SLC24A2: variants seen among roughly 807,000 people sequenced by gnomAD.
SLC24A2 encodes the protein sodium/potassium/calcium exchanger 2.
A neutral mutation model predicts 62.0 loss-of-function variants in SLC24A2; 36 were observed. The ratio of observed to expected loss-of-function variants is 0.58; its 90% CI spans 0.44 to 0.77. SLC24A2 has a LOEUF of 0.77. SLC24A2 is among the 30% of genes least tolerant of loss of function. The pLI, the probability that SLC24A2 is intolerant of heterozygous loss-of-function variation, is 0.00. For missense variants in SLC24A2, 846 were observed against 817.9 expected (o/e 1.03, Z -0.42); for synonymous variants, 358 against 294.0 (o/e 1.22, Z -2.23).
chr9:20,255,180 T>A, the SLC24A2 span, among the ~76,000 whole-genome samples: 4 of 152,240 alleles, frequency 2.6e-5, no homozygotes, highest in Non-Finnish European at 5.9e-5. Flanking sequence ...GCCATCATCC[T>A]TAATCACTTA....
chr9:20,060,807 C>G, the SLC24A2 span, among the ~76,000 whole-genome samples: 1 of 152,088 alleles, frequency 6.6e-6, no homozygotes, highest in Non-Finnish European at 1.5e-5. Context: ...CACACACACA[C>G]AATGTGGAGC....
intron 5 of SLC24A2, among the ~76,000 whole-genome samples, chr9:19,587,598 G>A (rs901423171): frequency 1.3e-5 from 2 of 151,950 alleles, no homozygotes; most frequent in African/African-American, 4.8e-5. Context: ...CTAATCAAAA[G>A]AGAAACTTAC....
the SLC24A2 span, among the ~76,000 whole-genome samples, chr9:20,306,989 T>C: frequency 5.9e-5 from 9 of 152,162 alleles, no homozygotes; most frequent in Non-Finnish European, 1.3e-4. Context: ...TTAATGTTAT[T>C]TTCTTAGACT....
chr9:19,896,263 A>G, the SLC24A2 span, among the ~76,000 whole-genome samples: 2 of 152,248 alleles, frequency 1.3e-5, no homozygotes, highest in African/African-American at 4.8e-5. Flanking sequence ...AATAGGATGT[A>G]CAGCAATCTG....
At chr9:20,260,845 C>T in the SLC24A2 span, among the ~76,000 whole-genome samples, 26 of 110,522 alleles carry the variant, frequency 2.4e-4, no homozygotes, top group South Asian at 1.5e-3. Flanking sequence ...ACGTATCATT[C>T]TTTCTTTTTT....
intron 5 of SLC24A2, among the ~76,000 whole-genome samples, chr9:19,591,968 G>C (rs969066688): frequency 6.6e-6 from 1 of 152,308 alleles, no homozygotes; most frequent in African/African-American, 2.4e-5. Context: ...TTATTTTAAA[G>C]TAACATTATT....
the SLC24A2 span, among the ~76,000 whole-genome samples, chr9:20,019,873 C>A: frequency 2.5e-5 from 3 of 120,166 alleles, no homozygotes; most frequent in Non-Finnish European, 3.3e-5. Context: ...ACAAATTTAC[C>A]AGAAAAAAAA....
At chr9:19,569,890 C>G (rs772120243) in intron 7 of SLC24A2, among the ~76,000 whole-genome samples, 2 of 152,138 alleles carry the variant, frequency 1.3e-5, no homozygotes, top group Non-Finnish European at 2.9e-5. Flanking sequence ...GGTGCTGTTC[C>G]TTTGGCTGGC....
At chr9:20,168,512 AG>A in the SLC24A2 span, among the ~76,000 whole-genome samples, 3 of 152,146 alleles carry the variant, frequency 2.0e-5, no homozygotes, top group African/African-American at 7.2e-5. Flanking sequence ...TCAACAAAAA[AG>A]GAAGTAATCC....
chr9:19,827,976 A>G, the SLC24A2 span, among the ~76,000 whole-genome samples: 3 of 152,092 alleles, frequency 2.0e-5, no homozygotes, highest in Non-Finnish European at 2.9e-5. Context: ...CTGCCATCCA[A>G]CTGTCCTCCT....
chr9:20,032,833 G>C, the SLC24A2 span, among the ~76,000 whole-genome samples: 14 of 152,254 alleles, frequency 9.2e-5, no homozygotes, highest in African/African-American at 3.4e-4. Flanking sequence ...AGCAGGGTAG[G>C]GACAGGAGCA....
intron 6 of SLC24A2, among the ~76,000 whole-genome samples, chr9:19,576,420 G>A (rs141747492): frequency 5.7e-4 from 87 of 152,262 alleles, no homozygotes; most frequent in African/African-American, 2.0e-3. Flanking sequence ...TTAAAAACGA[G>A]AGGCAGCATC....
rs1364663862 is a variant in SLC24A2, at chr9:19,632,576, G to C, written c.931-10277C>G. Among the ~76,000 whole-genome samples, 2 of 152,118 alleles carry C rather than the reference G, an allele frequency of 1.3e-5. No homozygotes were observed. The highest frequency in any genetic ancestry group is 2.9e-5 in the Non-Finnish European group (2 of 68,028). ...GAGCACTAACTACAGTTGAAATACT[G>C]GGCTAAATGCTCATTCATAATCTTA... On this transcript the variant is annotated intron_variant, in intron 2 of 10. Transcript: ENST00000341998. This position sits in a 1 kb window ranked among gnomAD's most constrained non-coding sequence, Gnocchi z 4.5.
the SLC24A2 span, among the ~76,000 whole-genome samples, chr9:20,098,286 T>G: frequency 6.6e-6 from 1 of 152,174 alleles, no homozygotes; most frequent in East Asian, 1.9e-4. Flanking sequence ...GGCAAGGAAA[T>G]GTAGAACTCA....
the SLC24A2 span, among the ~76,000 whole-genome samples, chr9:20,297,098 T>C: frequency 1.3e-5 from 2 of 152,210 alleles, no homozygotes; most frequent in Admixed American, 6.5e-5. Context: ...GTGTTTGGAA[T>C]TGTGTCCTTT....
intron 7 of SLC24A2, among the ~76,000 whole-genome samples, chr9:19,566,242 C>G (rs1284688978): frequency 1.3e-5 from 2 of 150,194 alleles, no homozygotes; most frequent in Non-Finnish European, 1.5e-5. Flanking sequence ...TATCCAGAAT[C>G]TACAATGAAC....
chr9:19,924,593 C>A, the SLC24A2 span, among the ~76,000 whole-genome samples: 6 of 152,140 alleles, frequency 3.9e-5, no homozygotes, highest in Non-Finnish European at 5.9e-5. Flanking sequence ...CCAGTAAGGA[C>A]CCCATGAGGG....
At chr9:20,282,693 T>G in the SLC24A2 span, among the ~76,000 whole-genome samples, 17 of 152,322 alleles carry the variant, frequency 1.1e-4, no homozygotes, top group South Asian at 3.3e-3. Flanking sequence ...AAGAAATGAT[T>G]TTATAGATAT....
chr9:20,296,284 C>T, the SLC24A2 span, among the ~76,000 whole-genome samples: 4 of 152,202 alleles, frequency 2.6e-5, no homozygotes, highest in Admixed American at 2.6e-4. Context: ...AGAAATCTCC[C>T]CTGCCAAATT....
Sources: allele counts gnomAD v4.1 joint callset (sites outside exome capture counted in the v4.1 genomes callset), GRCh38; gene constraint gnomAD v4.1.1; non-coding constraint Gnocchi (gnomAD v3.1); transcripts MANE v1.5; gene names NCBI Gene and HGNC (gene_info 2026-07-23, HGNC 2026-07-21).